The following ENTPD1 variants were observed in gnomAD, a reference collection of about 807,000 sequenced individuals.
ENTPD1 encodes the protein ATP diphosphohydrolase.
In ENTPD1, 33 loss-of-function variants were observed where a neutral mutation model predicts 57.0. That is an observed-to-expected ratio of 0.58 (90% confidence interval 0.44 to 0.77). The LOEUF (loss-of-function observed/expected upper bound fraction) is 0.77, where lower values mean the gene tolerates loss of function less well. Among genes scored for constraint, ENTPD1 ranks in the 30% least tolerant of loss-of-function variants. ENTPD1 has a pLI of 0.00. For synonymous variants in ENTPD1, 202 were observed against 218.8 expected, an observed-to-expected ratio of 0.92 and a Z score of 0.68; for missense variants, 501 against 603.4, an observed-to-expected ratio of 0.83 and a Z score of 1.78.
At chr10:95,733,854 A>T (rs1205699849) in intron 1 of ENTPD1, among the ~76,000 whole-genome samples, 1 of 152,214 alleles carries the variant, frequency 6.6e-6, no homozygotes, top group African/African-American at 2.4e-5. Context: ...TGTCAAAATT[A>T]TGCAAGCTTC....
At chr10:95,839,641 G>A (rs148483383) in intron 2 of ENTPD1, 50 bp from the exon 3 acceptor site, 1 of 1,571,686 alleles carries the variant, frequency 6.4e-7, no homozygotes, top group African/African-American at 1.3e-5. Flanking sequence ...AGCCTAATAT[G>A]GAGATGAGTG....
chr10:95,848,715 C>G (rs1273296474), intron 7 of ENTPD1, among the ~76,000 whole-genome samples: 1 of 152,204 alleles, frequency 6.6e-6, no homozygotes, highest in African/African-American at 2.4e-5. Flanking sequence ...ACACATTTTG[C>G]AGAAGTGCCA....
chr10:95,762,789 G>A (rs540936814), intron 1 of ENTPD1, among the ~76,000 whole-genome samples: 4 of 152,230 alleles, frequency 2.6e-5, no homozygotes, highest in Non-Finnish European at 5.9e-5. Context: ...ATTCCCAAAG[G>A]TTGGGCCCTT....
Position 95,866,554 on chromosome 10 carries a change from C to A in ENTPD1, c.*171C>A. 2.0e-6 allele frequency: 3 copies of A among 1,488,400 alleles called. No individual in the cohort carries two copies. Among genetic ancestry groups the A allele is most frequent in the Non-Finnish European group, 2.7e-6 (3 of 1,123,734 alleles). 92.2% of individuals were successfully genotyped at this position (1,488,400 alleles called of 1,614,324 possible). A position where few individuals can be genotyped will look rare whatever the true frequency, so the allele number is the denominator to read the frequency against. ...CCTTTCTTTTGGAGGTATTCAATAT[C>A]CTTTGCCTCAAGGACTTCGGCAGAT... On this transcript the variant is annotated 3_prime_UTR_variant, in exon 10 of 10. Coordinates refer to ENST00000371205, the MANE Select transcript of ENTPD1 (RefSeq NM_001776.6).
upstream of ENTPD1, chr10:95,755,524 A>G: frequency 1.6e-6 from 1 of 614,848 alleles, no homozygotes; most frequent in Non-Finnish European, 2.8e-6. Context: ...CAAAGTTGGG[A>G]AATGGTGGAT....
At chr10:95,755,774 C>T, upstream of ENTPD1, 1 of 1,534,894 alleles carries the variant, frequency 6.5e-7, no homozygotes, top group East Asian at 2.4e-5. Context: ...AAGGTAACAA[C>T]TTTCTTATTA....
At chr10:95,861,622 A>C (rs1318028906) in intron 8 of ENTPD1, 1 of 152,150 alleles carries the variant, frequency 6.6e-6, no homozygotes, top group East Asian at 1.9e-4. Flanking sequence ...AATATGTCTC[A>C]GCATTTTACA....
At chr10:95,750,061 C>A (rs889403131) in intron 1 of ENTPD1, among the ~76,000 whole-genome samples, 2 of 151,978 alleles carry the variant, frequency 1.3e-5, no homozygotes, top group Non-Finnish European at 2.9e-5. Context: ...AGATAGGAAC[C>A]GCTGAATTTG....
chr10:95,815,690 G>A, intron 1 of ENTPD1, among the ~76,000 whole-genome samples: 1 of 152,186 alleles, frequency 6.6e-6, no homozygotes, highest in East Asian at 1.9e-4. Context: ...TACTGGCAGT[G>A]TATCCATACG....
chr10:95,700,436 A>AGGC, the ENTPD1 span, among the ~76,000 whole-genome samples: 21 of 152,198 alleles, frequency 1.4e-4, no homozygotes, highest in Non-Finnish European at 2.2e-4. Context: ...TGAGAGGCTG[A>AGGC]AGCAGGAGGA....
the ENTPD1 span, among the ~76,000 whole-genome samples, chr10:95,703,837 T>G: frequency 1.3e-3 from 185 of 139,550 alleles, 2 homozygotes; most frequent in East Asian, 0.037. Flanking sequence ...ACACCTGTAA[T>G]CCCAGCACTT....
the ENTPD1 span, among the ~76,000 whole-genome samples, chr10:95,702,720 A>G: frequency 6.6e-6 from 1 of 152,242 alleles, no homozygotes; most frequent in Non-Finnish European, 1.5e-5. Flanking sequence ...CCAAACATTG[A>G]CAAAGAGAAA....
intron 1 of ENTPD1, among the ~76,000 whole-genome samples, chr10:95,796,907 T>C (rs1255029687): frequency 6.6e-6 from 1 of 151,894 alleles, no homozygotes; most frequent in Admixed American, 6.6e-5. Context: ...ATTGAGACCC[T>C]GTCTCTACAA....
chr10:95,796,741 G>C lies in ENTPD1; in HGVS notation c.17-26496G>C, dbSNP rs185916393. Among the ~76,000 whole-genome samples, 215 of 152,254 alleles carry C rather than the reference G, an allele frequency of 1.4e-3. 1 individual carries two copies. The highest frequency in any genetic ancestry group is 2.3e-3 in the Non-Finnish European group (155 of 68,010). ...TGGAAGGGGAAGTACCTAGAGGTGGGGAGGACTCTACAGAAGTTATTGTAG... is the reference window on the plus strand; with the variant it reads ...TGGAAGGGGAAGTACCTAGAGGTGGCGAGGACTCTACAGAAGTTATTGTAG... On this transcript the variant is annotated intron_variant, in intron 1 of 9. Transcript: ENST00000371205.
chr10:95,807,142 T>A (rs1226615046), intron 1 of ENTPD1, among the ~76,000 whole-genome samples: 1 of 152,172 alleles, frequency 6.6e-6, no homozygotes, highest in East Asian at 1.9e-4. Context: ...TAGTAGGGCT[T>A]GCTGAGCTGC....
At chr10:95,810,028 G>A (rs1230598425) in intron 1 of ENTPD1, among the ~76,000 whole-genome samples, 7 of 148,068 alleles carry the variant, frequency 4.7e-5, no homozygotes, top group Admixed American at 1.3e-4. Context: ...AGACAGGGTC[G>A]CAGTCGGGCA....
At chr10:95,717,928 C>G (rs981779367) in intron 1 of ENTPD1, among the ~76,000 whole-genome samples, 2 of 152,186 alleles carry the variant, frequency 1.3e-5, no homozygotes, top group African/African-American at 2.4e-5. Flanking sequence ...TGTAATTTTA[C>G]AGCTTCGATT....
At chr10:95,757,416 G>A (rs569946449) in intron 1 of ENTPD1, among the ~76,000 whole-genome samples, 8 of 123,852 alleles carry the variant, frequency 6.5e-5, no homozygotes, top group Non-Finnish European at 1.2e-4. Context: ...CTGAGGCAGG[G>A]CTGGTGGGCT....
At chr10:95,839,612 T>G in intron 2 of ENTPD1, 79 bp from the exon 3 acceptor site, 1 of 1,449,134 alleles carries the variant, frequency 6.9e-7, no homozygotes, top group Non-Finnish European at 9.7e-7. Context: ...TTTTGAAAAT[T>G]CCAGTCCTTT....
Sources: allele counts gnomAD v4.1 joint callset (sites outside exome capture counted in the v4.1 genomes callset), GRCh38; gene constraint gnomAD v4.1.1; transcripts MANE v1.5; gene names NCBI Gene and HGNC (gene_info 2026-07-23, HGNC 2026-07-21).